ZNF329: variants seen among roughly 807,000 people sequenced by gnomAD.
ZNF329 encodes zinc finger protein 329.
A neutral mutation model predicts 26.6 loss-of-function variants in ZNF329; 15 were observed. That is an observed-to-expected ratio of 0.56 (90% CI 0.38 to 0.87). ZNF329 has a LOEUF of 0.87. Ranked by LOEUF, ZNF329 falls within the 40% of genes least tolerant of loss-of-function variation. The pLI is 0.00. For synonymous variants in ZNF329, 239 were observed against 233.5 expected (o/e 1.02, Z -0.21); for missense variants, 651 against 651.9 (o/e 1.00, Z 0.02).
chr19:58,138,188 T>A (rs899165358), intron 3 of ZNF329, among the ~76,000 whole-genome samples: 5 of 152,050 alleles, frequency 3.3e-5, no homozygotes, highest in African/African-American at 1.2e-4. Context: ...TTACACCTTA[T>A]CCCAATACAT....
chr19:58,132,937 C>T (rs920774774), intron 3 of ZNF329, among the ~76,000 whole-genome samples: 4 of 152,020 alleles, frequency 2.6e-5, no homozygotes, highest in Admixed American at 2.6e-4. Flanking sequence ...CTCAGCCTCC[C>T]CAGTAGCTGG....
chr19:58,142,870 G>C (rs528650983), intron 2 of ZNF329, among the ~76,000 whole-genome samples: 2 of 152,068 alleles, frequency 1.3e-5, no homozygotes, highest in Non-Finnish European at 2.9e-5. Context: ...AAGCCAACAA[G>C]AAAGTCTGGG....
intron 3 of ZNF329, among the ~76,000 whole-genome samples, chr19:58,140,870 CA>C (rs550561348): frequency 9.9e-4 from 118 of 118,962 alleles, no homozygotes; most frequent in African/African-American, 3.3e-3. Flanking sequence ...CACCATCACA[CA>C]TAATTTTTTT....
At chr19:58,144,279 A>G (rs1160408234) in intron 1 of ZNF329, among the ~76,000 whole-genome samples, 11 of 151,070 alleles carry the variant, frequency 7.3e-5, no homozygotes, top group Admixed American at 7.2e-4. Flanking sequence ...GGTTCAAGCA[A>G]TTCTCTTGCC....
At chr19:58,135,138 G>T (rs1178930198) in intron 3 of ZNF329, among the ~76,000 whole-genome samples, 4 of 151,946 alleles carry the variant, frequency 2.6e-5, no homozygotes, top group Non-Finnish European at 4.4e-5. Flanking sequence ...TTATAATGGG[G>T]GTCTCAGTAT....
intron 3 of ZNF329, among the ~76,000 whole-genome samples, chr19:58,140,351 T>C (rs2075156302): frequency 1.3e-5 from 2 of 151,936 alleles, no homozygotes; most frequent in South Asian, 2.1e-4. Context: ...CCGTGCACAT[T>C]ACATAAAAAT....
chr19:58,135,517 C>T (rs796758525), intron 3 of ZNF329, among the ~76,000 whole-genome samples: 2 of 152,286 alleles, frequency 1.3e-5, no homozygotes, highest in African/African-American at 4.8e-5. Flanking sequence ...CTGCCTGCTT[C>T]GGCCCCACAA....
chr19:58,144,397 T>TATATA (rs1460725285), intron 1 of ZNF329, among the ~76,000 whole-genome samples: 2 of 41,326 alleles, frequency 4.8e-5, no homozygotes, highest in Non-Finnish European at 1.3e-4. Context: ...TATATATATA[T>TATATA]TTTTTTTTTG....
At chr19:58,152,898 C>T (rs1204532401), upstream of ZNF329, among the ~76,000 whole-genome samples, 1 of 151,656 alleles carries the variant, frequency 6.6e-6, no homozygotes, top group African/African-American at 2.4e-5. Flanking sequence ...CTAAAATGTA[C>T]CATATTAAGC....
chr19:58,154,924 T>A (rs1435922296), upstream of ZNF329: 1 of 152,310 alleles, frequency 6.6e-6, no homozygotes, highest in East Asian at 1.9e-4. Context: ...CCCTAGCCCG[T>A]GCACCCACGG....
chr19:58,148,095 C>G (rs1273711287), intron 1 of ZNF329, among the ~76,000 whole-genome samples: 1 of 151,846 alleles, frequency 6.6e-6, no homozygotes, highest in East Asian at 1.9e-4. Flanking sequence ...ACCTTACCCC[C>G]AACCCTGTGC....
Position 58,128,666 on chromosome 19 carries a change from T to C in ZNF329, c.838A>G (p.Ile280Val). 6.2e-7 allele frequency: 1 copy of C among 1,603,296 alleles called. No homozygotes were observed. Among genetic ancestry groups the C allele is most frequent in the Non-Finnish European group, 8.5e-7 (1 of 1,174,832 alleles). The change falls in exon 4 of 4, where the codon ATT becomes GTT. Residue 280 changes from isoleucine to valine, a missense_variant. Physicochemically the swap from Ile to Val is conservative, Grantham distance 29 (BLOSUM62 3). Transcript: ENST00000598312. Reference protein sequence around the residue: ...DGSALTQHQRIHTGEKPYECL... With the variant: ...DGSALTQHQRVHTGEKPYECL... ...TCATAAGGTTTCTCGCCTGTGTGAA[T>C]TCTCTGGTGCTGTGTCAGAGCTGAG...
At chr19:58,142,438 G>C (rs1266344640) in intron 3 of ZNF329, 119 bp downstream of exon 3, 1 of 152,660 alleles carries the variant, frequency 6.6e-6, no homozygotes, top group East Asian at 1.9e-4. Flanking sequence ...GTAAGGGTCA[G>C]AACCACTAGT....
chr19:58,133,177 A>G (rs942263101), intron 3 of ZNF329, among the ~76,000 whole-genome samples: 6 of 152,266 alleles, frequency 3.9e-5, no homozygotes, highest in African/African-American at 7.2e-5. Context: ...AATTATTACA[A>G]TAGATCACTT....
chr19:58,146,377 G>C (rs1600093077), intron 1 of ZNF329, among the ~76,000 whole-genome samples: 1 of 152,058 alleles, frequency 6.6e-6, no homozygotes, highest in Non-Finnish European at 1.5e-5. Flanking sequence ...GGGAGGCTGA[G>C]GCAGGAAAAC....
intron 3 of ZNF329, chr19:58,132,678 T>TG (rs2074974278): frequency 8.3e-6 from 1 of 120,994 alleles, no homozygotes; most frequent in Non-Finnish European, 1.6e-5. Flanking sequence ...AGACTCCGTC[T>TG]GAAAAAAAAA....
upstream of ZNF329, among the ~76,000 whole-genome samples, chr19:58,151,939 T>C (rs995758653): frequency 1.3e-5 from 2 of 152,208 alleles, no homozygotes; most frequent in African/African-American, 2.4e-5. Flanking sequence ...ATCTCGATGA[T>C]ACATGGGTGT....
At chr19:58,153,998 CAT>C (rs1296932674), upstream of ZNF329, among the ~76,000 whole-genome samples, 1 of 141,042 alleles carries the variant, frequency 7.1e-6, no homozygotes, top group African/African-American at 2.6e-5. Flanking sequence ...GCCTGGCCAA[CAT>C]ATGTGATTTT....
intron 2 of ZNF329, 136 bp downstream of exon 2, chr19:58,142,969 A>T (rs1159045840): frequency 6.6e-6 from 1 of 152,472 alleles, no homozygotes; most frequent in Non-Finnish European, 1.5e-5. Context: ...GCCCAGCCAC[A>T]GCCGGGTGCA....
Sources: gnomAD v4.1 joint callset for allele counts (sites outside exome capture counted in the v4.1 genomes callset) on GRCh38, gnomAD v4.1.1 for gene constraint, MANE v1.5 for transcripts, NCBI Gene and HGNC (gene_info 2026-07-23, HGNC 2026-07-21) for gene names.